Variants in PPP1R9A observed in about 807,000 individuals in gnomAD.
PPP1R9A encodes protein phosphatase 1 regulatory subunit 9A, also known as neurabin-1.
Under a neutral mutation model 141.9 loss-of-function variants are expected in PPP1R9A, and 59 were observed. The observed-to-expected ratio is 0.42, with a 90% confidence interval of 0.34 to 0.52. PPP1R9A has a LOEUF of 0.52. Among genes scored for constraint, PPP1R9A ranks in the 20% least tolerant of loss-of-function variants. The probability of loss-of-function intolerance (pLI) is 0.10; values close to 1 mark genes in which losing one functional copy is unlikely to be tolerated. For missense variants in PPP1R9A, 1,444 were observed against 1,611.9 expected, an observed-to-expected ratio of 0.90 and a Z score of 1.78; for synonymous variants, 500 against 569.7, an observed-to-expected ratio of 0.88 and a Z score of 1.74.
intron 7 of PPP1R9A, among the ~76,000 whole-genome samples, chr7:95,215,741 CAT>C (rs1220861059): frequency 6.6e-6 from 1 of 152,174 alleles, no homozygotes; most frequent in Non-Finnish European, 1.5e-5. Flanking sequence ...AGCATTTTTT[CAT>C]ATGTCTGTTG....
intron 6 of PPP1R9A, among the ~76,000 whole-genome samples, chr7:95,200,502 A>T (rs1022443256): frequency 6.7e-6 from 1 of 150,202 alleles, no homozygotes; most frequent in Admixed American, 6.6e-5. Flanking sequence ...CCTGTCTTGA[A>T]CTCCTGGCCT....
At chr7:95,125,108 A>G (rs1048329857) in intron 4 of PPP1R9A, among the ~76,000 whole-genome samples, 1 of 152,168 alleles carries the variant, frequency 6.6e-6, no homozygotes, top group Non-Finnish European at 1.5e-5. Flanking sequence ...TGCTCAATAA[A>G]TATTTGTTGA....
chr7:95,248,257 C>A (rs999759039), intron 9 of PPP1R9A, among the ~76,000 whole-genome samples: 1 of 145,436 alleles, frequency 6.9e-6, no homozygotes, highest in African/African-American at 2.6e-5. Context: ...AAAATTAAAA[C>A]ATAATTACCC....
intron 2 of PPP1R9A, among the ~76,000 whole-genome samples, chr7:95,108,525 C>T (rs1276115706): frequency 6.6e-6 from 1 of 151,670 alleles, no homozygotes; most frequent in East Asian, 1.9e-4. Flanking sequence ...TTAGCGAGGA[C>T]AGTCTGGATC....
At chr7:95,089,320 CT>C in intron 2 of PPP1R9A, among the ~76,000 whole-genome samples, 1 of 151,998 alleles carries the variant, frequency 6.6e-6, no homozygotes, top group East Asian at 1.9e-4. Flanking sequence ...AGGGCTCCAT[CT>C]CTTTCATGTG....
chr7:94,950,405 C>T (rs922371785), intron 2 of PPP1R9A, among the ~76,000 whole-genome samples: 5 of 151,852 alleles, frequency 3.3e-5, no homozygotes, highest in Non-Finnish European at 5.9e-5. Context: ...TAGTTTTATA[C>T]GTTTGGTATC....
intron 2 of PPP1R9A, among the ~76,000 whole-genome samples, chr7:95,006,377 C>T (rs1584237971): frequency 6.6e-6 from 1 of 151,910 alleles, no homozygotes; most frequent in East Asian, 1.9e-4. Context: ...ATCACCAGAC[C>T]CGGCTAATTT....
chr7:95,081,937 G>A (rs1815900193), intron 2 of PPP1R9A, among the ~76,000 whole-genome samples: 1 of 152,116 alleles, frequency 6.6e-6, no homozygotes, highest in Non-Finnish European at 1.5e-5. Context: ...CCAACAGCCT[G>A]AAATCACGGT....
chr7:95,059,769 G>A (rs1811975402), intron 2 of PPP1R9A, among the ~76,000 whole-genome samples: 2 of 152,128 alleles, frequency 1.3e-5, no homozygotes, highest in South Asian at 2.1e-4. Flanking sequence ...CTACCACCTA[G>A]ACTTGAATTT....
chr7:95,135,957 A>G (rs1435156389), intron 4 of PPP1R9A, among the ~76,000 whole-genome samples: 2 of 144,808 alleles, frequency 1.4e-5, no homozygotes, highest in Non-Finnish European at 3.0e-5. Context: ...AAAGTATATT[A>G]TAAATTAAAT....
chr7:95,150,813 A>G (rs1828533580), intron 4 of PPP1R9A, among the ~76,000 whole-genome samples: 1 of 152,246 alleles, frequency 6.6e-6, no homozygotes, highest in South Asian at 2.1e-4. Context: ...TAAAACCTAA[A>G]TAATAAGAAA....
chr7:95,145,971 A>G (rs1827536086), intron 4 of PPP1R9A, among the ~76,000 whole-genome samples: 1 of 152,134 alleles, frequency 6.6e-6, no homozygotes, highest in African/African-American at 2.4e-5. Flanking sequence ...AAGTGTGCAT[A>G]TGTCTTTACA....
intron 2 of PPP1R9A, among the ~76,000 whole-genome samples, chr7:94,974,506 G>A (rs1256134138): frequency 6.6e-6 from 1 of 152,156 alleles, no homozygotes; most frequent in African/African-American, 2.4e-5. Flanking sequence ...TGTGAGAGTG[G>A]ATGATGTATC....
At chr7:95,108,302 C>CGTTTCTTTTTTTTTTTTTTTTTTT (rs1204011323) in intron 2 of PPP1R9A, among the ~76,000 whole-genome samples, 1 of 68,760 alleles carries the variant, frequency 1.5e-5, no homozygotes, top group Non-Finnish European at 3.2e-5. Context: ...TTTTTCGTTT[C>CGTTTCTTTTTTTTTTTTTTTTTTT]TTTTCTTTTT....
chr7:94,949,907 C>CTT (rs201956798), intron 2 of PPP1R9A, among the ~76,000 whole-genome samples: 2 of 118,080 alleles, frequency 1.7e-5, no homozygotes, highest in Non-Finnish European at 1.9e-5. Context: ...TAAAACAGTT[C>CTT]TTTTTTTTTT....
At chr7:95,067,104 C>T (rs756229209) in intron 2 of PPP1R9A, among the ~76,000 whole-genome samples, 1 of 152,184 alleles carries the variant, frequency 6.6e-6, no homozygotes, top group Non-Finnish European at 1.5e-5. Flanking sequence ...CAATCATATG[C>T]ATGAGTAGAA....
intron 4 of PPP1R9A, among the ~76,000 whole-genome samples, chr7:95,145,722 C>T (rs1385080258): frequency 1.3e-5 from 2 of 152,082 alleles, no homozygotes; most frequent in Non-Finnish European, 2.9e-5. Context: ...CATTGTTCAA[C>T]CCCCACTTAC....
At chr7:95,235,455 C>T (rs995454690) in intron 8 of PPP1R9A, among the ~76,000 whole-genome samples, 1 of 152,066 alleles carries the variant, frequency 6.6e-6, no homozygotes, top group African/African-American at 2.4e-5. Flanking sequence ...AAATGTAAAT[C>T]AAAATCACAA....
intron 8 of PPP1R9A, among the ~76,000 whole-genome samples, chr7:95,226,957 T>G (rs557934653): frequency 6.6e-6 from 1 of 152,266 alleles, no homozygotes; most frequent in South Asian, 2.1e-4. Context: ...TTTGGAAGAG[T>G]ATCCTCCATC....
Sources: allele counts gnomAD v4.1 joint callset (sites outside exome capture counted in the v4.1 genomes callset), GRCh38; gene constraint gnomAD v4.1.1; transcripts MANE v1.5; gene names NCBI Gene and HGNC (gene_info 2026-07-23, HGNC 2026-07-21).